The following NBAS variants were observed in gnomAD, a reference collection of about 807,000 sequenced individuals.
NBAS encodes the protein NAG/BC035112 fusion.
Under a neutral mutation model 302.5 loss-of-function variants are expected in NBAS, and 219 were observed. The ratio of observed to expected loss-of-function variants is 0.72; its 90% CI spans 0.65 to 0.81. The LOEUF (loss-of-function observed/expected upper bound fraction) is 0.81, where lower values mean the gene tolerates loss of function less well. Among genes scored for constraint, NBAS ranks in the 30% least tolerant of loss-of-function variants. The probability of loss-of-function intolerance (pLI) is 0.00; values close to 1 mark genes in which losing one functional copy is unlikely to be tolerated. For missense variants in NBAS, 2,932 were observed against 2,841.6 expected, an observed-to-expected ratio of 1.03 and a Z score of -0.72; for synonymous variants, 1,118 against 1,021.6, an observed-to-expected ratio of 1.09 and a Z score of -1.80.
chr2:15,469,204 A>T (rs1679852173), intron 16 of NBAS, among the ~76,000 whole-genome samples: 2 of 152,058 alleles, frequency 1.3e-5, no homozygotes, highest in African/African-American at 2.4e-5. Context: ...TATCTCCTTC[A>T]GTTCTGCTCT....
chr2:15,372,157 C>T (rs1204291782), intron 31 of NBAS, among the ~76,000 whole-genome samples: 1 of 151,690 alleles, frequency 6.6e-6, no homozygotes, highest in Non-Finnish European at 1.5e-5. Context: ...GCTGACTTAC[C>T]CTATTATAGA....
intron 42 of NBAS, among the ~76,000 whole-genome samples, chr2:15,284,583 C>A (rs1464942270): frequency 6.6e-6 from 1 of 152,152 alleles, no homozygotes; most frequent in Non-Finnish European, 1.5e-5. Context: ...AATAACTTCA[C>A]AGGGGAAAAA....
chr2:15,054,788 G>A, the NBAS span, among the ~76,000 whole-genome samples: 1 of 152,130 alleles, frequency 6.6e-6, no homozygotes, highest in Non-Finnish European at 1.5e-5. Flanking sequence ...TGTTTCCAGG[G>A]CATCTTTTAA....
intron 35 of NBAS, 97 bp downstream of exon 35, chr2:15,351,895 C>CACAT: frequency 1.5e-6 from 1 of 658,832 alleles, no homozygotes; most frequent in South Asian, 1.6e-5. Flanking sequence ...CACACACACA[C>CACAT]ACACACACAA....
chr2:14,911,899 A>T, the NBAS span, among the ~76,000 whole-genome samples: 3 of 152,234 alleles, frequency 2.0e-5, no homozygotes, highest in Non-Finnish European at 2.9e-5. Flanking sequence ...TTAAATTAGT[A>T]TATTACAGTG....
At chr2:15,266,687 T>C (rs925162793) in intron 44 of NBAS, among the ~76,000 whole-genome samples, 2 of 152,198 alleles carry the variant, frequency 1.3e-5, no homozygotes, top group Non-Finnish European at 2.9e-5. Flanking sequence ...TGTTTGTTGG[T>C]TTCCCCTCAT....
chr2:14,960,434 C>G, the NBAS span, among the ~76,000 whole-genome samples: 4 of 152,198 alleles, frequency 2.6e-5, no homozygotes, highest in African/African-American at 4.8e-5. Context: ...AGAGTGTGTT[C>G]TATTTGCCAG....
At chr2:15,456,502 T>G (rs574372775) in intron 21 of NBAS, among the ~76,000 whole-genome samples, 1 of 152,238 alleles carries the variant, frequency 6.6e-6, no homozygotes. Flanking sequence ...TGGTTTGTAC[T>G]AGGCACTGTT....
chr2:15,229,063 T>C (rs13000421), intron 47 of NBAS, among the ~76,000 whole-genome samples: 29,718 of 152,096 alleles, frequency 0.2, 3,586 homozygotes, highest in East Asian at 0.44. Context: ...CATTACAGGT[T>C]GGGCGTTGTG....
At chr2:15,405,021 C>G (rs553457089) in intron 25 of NBAS, among the ~76,000 whole-genome samples, 2 of 152,154 alleles carry the variant, frequency 1.3e-5, no homozygotes, top group East Asian at 3.9e-4. Context: ...AAATTACTTG[C>G]ATTTACCTAA....
At position 15,379,632 on chromosome 2, in the gene NBAS, T is replaced by C. The variant is rs578127242; in HGVS notation, c.3560A>G (p.Asn1187Ser). ...ASREYFNSST[N>S]LTDSCMDLAR... Reference sequence around the variant, plus strand: ...TAGATCCATGCAGCTATCAGTGAGGTTGGTAGAAGAATTGAAGTACTCTCT... The same window carrying C: ...TAGATCCATGCAGCTATCAGTGAGGCTGGTAGAAGAATTGAAGTACTCTCT... The change falls in exon 30 of 52, where the codon AAC (asparagine) becomes AGC (serine). Residue 1187 changes from asparagine (N) to serine (S), a missense_variant. Asn to Ser is a conservative substitution (Grantham distance 46). Transcript: ENST00000281513. 6.8e-5 allele frequency: 109 copies of C among 1,613,636 alleles called. 2 individuals are homozygous for C. In the South Asian group the frequency reaches 1.0e-3, roughly 15 times the overall value.
chr2:15,314,746 A>G (rs1671430328), intron 38 of NBAS, among the ~76,000 whole-genome samples: 1 of 152,246 alleles, frequency 6.6e-6, no homozygotes, highest in South Asian at 2.1e-4. Flanking sequence ...GCAGCTTTTT[A>G]AAACAATAAC....
chr2:15,501,496 T>C (rs1231714390), intron 11 of NBAS, among the ~76,000 whole-genome samples: 1 of 152,024 alleles, frequency 6.6e-6, no homozygotes, highest in Non-Finnish European at 1.5e-5. Flanking sequence ...ACAATCACTG[T>C]CTTGGCTATT....
intron 44 of NBAS, among the ~76,000 whole-genome samples, chr2:15,245,225 T>A (rs1004394411): frequency 2.1e-4 from 32 of 152,042 alleles, no homozygotes; most frequent in Non-Finnish European, 4.1e-4. Flanking sequence ...TGCGATCTGC[T>A]CTTCCCCTCA....
At chr2:14,985,277 A>C in the NBAS span, among the ~76,000 whole-genome samples, 1 of 152,200 alleles carries the variant, frequency 6.6e-6, no homozygotes, top group African/African-American at 2.4e-5. Flanking sequence ...GAAAGAGAAA[A>C]CACTGTCATC....
At position 15,317,145 on chromosome 2, in the gene NBAS, C is replaced by A. The variant is rs532696131; in HGVS notation, c.4583-7898G>T. ...CCTCCAGCAAACTCCAACGGACCTA[C>A]AGCTGAGGAACCTGACTCTTAGAAG... On this transcript the variant is annotated intron_variant, in intron 38 of 51. Coordinates refer to ENST00000281513, the MANE Select transcript of NBAS (RefSeq NM_015909.4). 2.6e-5 allele frequency among the ~76,000 whole-genome samples: 4 copies of A among 152,340 alleles called. No homozygotes were observed. The East Asian group carries it at 7.7e-4, about 29-fold the overall frequency.
intron 25 of NBAS, among the ~76,000 whole-genome samples, chr2:15,408,756 G>C (rs1676543685): frequency 6.6e-6 from 1 of 152,210 alleles, no homozygotes; most frequent in Non-Finnish European, 1.5e-5. Context: ...TATAATGTGA[G>C]CAAGCTAATT....
chr2:15,096,628 C>G, the NBAS span, among the ~76,000 whole-genome samples: 5 of 152,168 alleles, frequency 3.3e-5, no homozygotes, highest in African/African-American at 1.2e-4. Flanking sequence ...GGCTGTTCTC[C>G]TGCCACCCAC....
intron 20 of NBAS, 99 bp downstream of exon 20, chr2:15,461,584 AAAAG>A: frequency 2.5e-6 from 2 of 809,244 alleles, no homozygotes; most frequent in Non-Finnish European, 4.0e-6. Context: ...ATTAAAACAA[AAAAG>A]AAAATGTAAT....
Sources: allele counts gnomAD v4.1 joint callset (sites outside exome capture counted in the v4.1 genomes callset), GRCh38; gene constraint gnomAD v4.1.1; transcripts MANE v1.5; gene names NCBI Gene and HGNC (gene_info 2026-07-23, HGNC 2026-07-21).